SNTG1: variants seen among roughly 807,000 people sequenced by gnomAD.
SNTG1 encodes the protein gamma-1-syntrophin.
Under a neutral mutation model 74.7 loss-of-function variants are expected in SNTG1, and 39 were observed. That is an observed-to-expected ratio of 0.52 (90% CI 0.40 to 0.68). SNTG1 has a LOEUF of 0.68. Ranked by LOEUF, SNTG1 falls within the 30% of genes least tolerant of loss-of-function variation. The pLI is 0.00. For synonymous variants in SNTG1, 254 were observed against 217.1 expected (o/e 1.17, Z -1.49); for missense variants, 685 against 609.5 (o/e 1.12, Z -1.30).
At chr8:50,013,867 G>A (rs1260353216) in intron 1 of SNTG1, among the ~76,000 whole-genome samples, 1 of 152,088 alleles carries the variant, frequency 6.6e-6, no homozygotes, top group East Asian at 1.9e-4. Context: ...AACCTGAAAA[G>A]TTTACATTGG....
intron 1 of SNTG1, among the ~76,000 whole-genome samples, chr8:49,975,686 A>C (rs1812126626): frequency 6.6e-6 from 1 of 151,870 alleles, no homozygotes; most frequent in African/African-American, 2.4e-5. Context: ...GGGGACTCTT[A>C]TTTTCAGTCC....
intron 2 of SNTG1, among the ~76,000 whole-genome samples, chr8:50,271,522 G>A (rs545327529): frequency 6.6e-6 from 1 of 152,180 alleles, no homozygotes; most frequent in South Asian, 2.1e-4. Context: ...TGTTTTTGTG[G>A]CTGATTAAAT....
intron 2 of SNTG1, among the ~76,000 whole-genome samples, chr8:50,354,877 T>A (rs1014687304): frequency 3.3e-5 from 5 of 152,148 alleles, no homozygotes; most frequent in Admixed American, 3.3e-4. Flanking sequence ...AAATTAAAGG[T>A]GAAATAGGCA....
intron 2 of SNTG1, among the ~76,000 whole-genome samples, chr8:50,339,422 G>C (rs975560093): frequency 3.3e-5 from 5 of 151,958 alleles, no homozygotes; most frequent in African/African-American, 9.7e-5. Flanking sequence ...CAGCTCTTCT[G>C]TGAAATAATA....
intron 13 of SNTG1, 120 bp from the exon 14 acceptor site, chr8:50,656,789 T>G (rs913300636): frequency 1.5e-6 from 1 of 672,736 alleles, no homozygotes; most frequent in African/African-American, 1.9e-5. Context: ...TTTATGTGAG[T>G]TTTTAATACT....
chr8:50,087,218 T>C (rs529577261), intron 1 of SNTG1, among the ~76,000 whole-genome samples: 2 of 152,312 alleles, frequency 1.3e-5, no homozygotes, highest in African/African-American at 4.8e-5. Context: ...GTTTTCAGCT[T>C]CTTCTTTTAG....
At chr8:50,557,593 C>T (rs549001684) in intron 12 of SNTG1, among the ~76,000 whole-genome samples, 2 of 152,302 alleles carry the variant, frequency 1.3e-5, no homozygotes, top group Admixed American at 6.5e-5. Flanking sequence ...CACTGACCTC[C>T]GCTTCTGTGG....
At chr8:49,995,875 T>C (rs1405554889) in intron 1 of SNTG1, among the ~76,000 whole-genome samples, 1 of 152,202 alleles carries the variant, frequency 6.6e-6, no homozygotes, top group Non-Finnish European at 1.5e-5. Context: ...AAGATACTCT[T>C]ATGCCCTAAA....
At chr8:50,419,612 G>T (rs2093056468) in intron 4 of SNTG1, among the ~76,000 whole-genome samples, 1 of 152,130 alleles carries the variant, frequency 6.6e-6, no homozygotes, top group Non-Finnish European at 1.5e-5. Flanking sequence ...CCTCAACAAG[G>T]GTTGTATCAG....
intron 1 of SNTG1, among the ~76,000 whole-genome samples, chr8:50,010,830 G>C (rs979490437): frequency 2.7e-5 from 4 of 148,598 alleles, no homozygotes; most frequent in African/African-American, 1.0e-4. Context: ...GGGGGAAGAG[G>C]AGGAAGTTAG....
At chr8:50,633,505 T>G (rs896445552) in intron 13 of SNTG1, among the ~76,000 whole-genome samples, 1 of 152,196 alleles carries the variant, frequency 6.6e-6, no homozygotes, top group African/African-American at 2.4e-5. Context: ...TAACAAGGGC[T>G]GTGCTCAGAA....
At chr8:50,727,090 A>G (rs1434617787) in intron 17 of SNTG1, among the ~76,000 whole-genome samples, 1 of 152,154 alleles carries the variant, frequency 6.6e-6, no homozygotes, top group Admixed American at 6.5e-5. Flanking sequence ...TACTGTGAAT[A>G]CGCAAGAGAG....
At chr8:49,996,073 A>G (rs1052029882) in intron 1 of SNTG1, among the ~76,000 whole-genome samples, 10 of 152,148 alleles carry the variant, frequency 6.6e-5, no homozygotes, top group African/African-American at 2.2e-4. Context: ...TAGAAAATAT[A>G]TGATATTTAC....
chr8:50,171,721 T>G (rs996295406), intron 1 of SNTG1, among the ~76,000 whole-genome samples: 3 of 152,176 alleles, frequency 2.0e-5, no homozygotes, highest in Non-Finnish European at 4.4e-5. Context: ...TGCTTCAGAT[T>G]TTGAGGGAGC....
intron 1 of SNTG1, among the ~76,000 whole-genome samples, chr8:49,953,815 C>T (rs778634177): frequency 3.3e-5 from 5 of 151,958 alleles, no homozygotes; most frequent in African/African-American, 9.7e-5. Flanking sequence ...GTGCAGATTC[C>T]GTTTGCTTAT....
intron 1 of SNTG1, among the ~76,000 whole-genome samples, chr8:50,139,109 A>T (rs2081575532): frequency 6.6e-6 from 1 of 151,480 alleles, no homozygotes. Context: ...GTGTACATAT[A>T]TTTGCATATA....
intron 1 of SNTG1, among the ~76,000 whole-genome samples, chr8:49,972,781 C>G (rs1811819999): frequency 6.6e-6 from 1 of 152,122 alleles, no homozygotes; most frequent in Non-Finnish European, 1.5e-5. Context: ...CATCACTGGC[C>G]ATCAGAGAAA....
Position 50,795,237 on chromosome 8 carries a change from ATTT to A in SNTG1, c.*2411_*2413del, listed in dbSNP as rs1802751650. ...CTATTGATAAAAAACATAAGCCGTGATTTTTATTTAACATGATTAGTACAACAG... is the reference window on the plus strand; with the variant it reads ...CTATTGATAAAAAACATAAGCCGTGATTATTTAACATGATTAGTACAACAG... On this transcript the variant is annotated 3_prime_UTR_variant, in exon 19 of 19. Transcript: ENST00000642720. The A allele has an allele frequency of 6.6e-6, 1 of 151,986 alleles. No individual in the cohort carries two copies. The highest frequency in any genetic ancestry group is 1.5e-5 in the Non-Finnish European group (1 of 67,930). 9.4% of individuals were successfully genotyped at this position (151,986 alleles called of 1,614,324 possible).
At chr8:50,128,896 G>A (rs938346175) in intron 1 of SNTG1, among the ~76,000 whole-genome samples, 1 of 151,992 alleles carries the variant, frequency 6.6e-6, no homozygotes, top group Non-Finnish European at 1.5e-5. Context: ...TTGCATTTAA[G>A]TGTCATTTTA....
Sources: allele counts gnomAD v4.1 joint callset (sites outside exome capture counted in the v4.1 genomes callset), GRCh38; gene constraint gnomAD v4.1.1; transcripts MANE v1.5; gene names NCBI Gene and HGNC (gene_info 2026-07-23, HGNC 2026-07-21).